Variants in EXOC2 observed in about 807,000 individuals in gnomAD.
EXOC2 encodes the protein exocyst complex component 2.
EXOC2 carries 70 observed loss-of-function variants against 131.8 expected under a neutral mutation model. That is an observed-to-expected ratio of 0.53 (90% CI 0.44 to 0.65). The LOEUF is 0.65. Among genes scored for constraint, EXOC2 ranks in the 30% least tolerant of loss-of-function variants. The probability of loss-of-function intolerance (pLI) is 0.00; values close to 1 mark genes in which losing one functional copy is unlikely to be tolerated. For synonymous variants in EXOC2, 411 were observed against 398.4 expected (o/e 1.03, Z -0.38); for missense variants, 923 against 1,108.6 (o/e 0.83, Z 2.38).
chr6:506,294 G>A lies in EXOC2; in HGVS notation c.2381-6594C>T, dbSNP rs996888012. ...AGATGTCCAGGTATATCAGGATGGA[G>A]TGAACACGTAAGTGTGCAGGGAAAC... On this transcript the variant is annotated intron_variant, in intron 23 of 27. Coordinates refer to ENST00000230449, the MANE Select transcript of EXOC2 (RefSeq NM_018303.6). The surrounding 1 kb of genome is among the most constrained non-coding windows in gnomAD (Gnocchi z 4.4). Among the ~76,000 whole-genome samples, 1 of 152,214 alleles carries A rather than the reference G, an allele frequency of 6.6e-6. No individual in the cohort carries two copies. Among genetic ancestry groups the A allele is most frequent in the Non-Finnish European group, 1.5e-5 (1 of 68,040 alleles).
intron 11 of EXOC2, among the ~76,000 whole-genome samples, chr6:590,883 G>A (rs890360673): frequency 1.3e-5 from 2 of 152,082 alleles, no homozygotes; most frequent in African/African-American, 4.8e-5. Flanking sequence ...TCAGTCTCTA[G>A]ATCCAACTAC....
intron 1 of EXOC2, among the ~76,000 whole-genome samples, chr6:647,051 T>G (rs1762607455): frequency 6.6e-6 from 1 of 152,200 alleles, no homozygotes; most frequent in Non-Finnish European, 1.5e-5. Flanking sequence ...CAAACCAATT[T>G]GTGAGAGGAA....
chr6:522,196 G>A (rs1765504231), intron 23 of EXOC2, among the ~76,000 whole-genome samples: 1 of 152,240 alleles, frequency 6.6e-6, no homozygotes, highest in Non-Finnish European at 1.5e-5. Context: ...TGTGTGGTGA[G>A]CACTGTGAGC....
chr6:689,566 G>A (rs951404394), intron 1 of EXOC2, among the ~76,000 whole-genome samples: 12 of 152,126 alleles, frequency 7.9e-5, no homozygotes, highest in Admixed American at 6.5e-4. Context: ...TAGCCCCAAC[G>A]GATCCTTCCT....
At chr6:537,257 C>T (rs547123380) in intron 22 of EXOC2, among the ~76,000 whole-genome samples, 60 of 148,476 alleles carry the variant, frequency 4.0e-4, no homozygotes, top group African/African-American at 1.1e-3. Flanking sequence ...AGGGCACACA[C>T]GAGATGACGG....
In EXOC2 at chr6:506,144, T is replaced by C. The variant is rs895509430; in HGVS notation, c.2381-6444A>G. Among the ~76,000 whole-genome samples the C allele has an allele frequency of 1.3e-5, 2 of 152,224 alleles. No individual in the cohort carries two copies. The highest frequency in any genetic ancestry group is 2.9e-5 in the Non-Finnish European group (2 of 68,034). ...TATAGTTTGAATAAAGTAAGTACAG[T>C]AGTATAGAATATTGCTGAGGCTTAA... On this transcript the variant is annotated intron_variant, in intron 23 of 27. Transcript: ENST00000230449. The surrounding 1 kb of genome is among the most constrained non-coding windows in gnomAD (Gnocchi z 4.4).
chr6:590,727 G>A (rs949698436), intron 11 of EXOC2, among the ~76,000 whole-genome samples: 3 of 151,970 alleles, frequency 2.0e-5, no homozygotes, highest in Admixed American at 6.6e-5. Flanking sequence ...CCCCTTCTTC[G>A]TTTCCTTTGA....
chr6:490,391 G>C (rs1337225869), intron 26 of EXOC2, among the ~76,000 whole-genome samples: 1 of 152,190 alleles, frequency 6.6e-6, no homozygotes, highest in Non-Finnish European at 1.5e-5. Context: ...TGGCTCAACA[G>C]TGAACATGGC....
intron 23 of EXOC2, among the ~76,000 whole-genome samples, chr6:512,281 C>T (rs1006001663): frequency 6.6e-6 from 1 of 152,236 alleles, no homozygotes; most frequent in Non-Finnish European, 1.5e-5. Flanking sequence ...TGGGTTTTCT[C>T]ATGCCTCTGC....
chr6:557,093 C>G (rs924779831), intron 17 of EXOC2, among the ~76,000 whole-genome samples: 3 of 152,078 alleles, frequency 2.0e-5, no homozygotes, highest in Admixed American at 2.0e-4. Context: ...ATATGCCCAA[C>G]CAATGGCATT....
chr6:556,179 C>T (rs1757411058), intron 18 of EXOC2, among the ~76,000 whole-genome samples, 166 bp from the exon 19 acceptor site: 1 of 152,292 alleles, frequency 6.6e-6, no homozygotes, highest in African/African-American at 2.4e-5. Flanking sequence ...GTGTTCCTTA[C>T]TGTAGTGACT....
chr6:594,598 T>C (rs1759712899), intron 10 of EXOC2, among the ~76,000 whole-genome samples: 1 of 152,250 alleles, frequency 6.6e-6, no homozygotes, highest in African/African-American at 2.4e-5. Flanking sequence ...GAGGAATCAA[T>C]AAGCTTTGCT....
chr6:541,620 A>G (rs926991880), intron 22 of EXOC2, among the ~76,000 whole-genome samples: 11 of 149,694 alleles, frequency 7.3e-5, no homozygotes, highest in African/African-American at 2.7e-4. Flanking sequence ...TAAGGACCAC[A>G]TCGCAGCTGA....
chr6:657,424 A>G (rs1010186061), intron 1 of EXOC2, among the ~76,000 whole-genome samples: 3 of 152,174 alleles, frequency 2.0e-5, no homozygotes, highest in Non-Finnish European at 2.9e-5. Flanking sequence ...TCACACTTAA[A>G]TATGTAACAG....
intron 25 of EXOC2, 48 bp downstream of exon 25, chr6:497,319 C>T: frequency 3.2e-6 from 5 of 1,572,710 alleles, no homozygotes; most frequent in Non-Finnish European, 4.4e-6. Context: ...ATTTTATATG[C>T]TTTAAATAAC....
chr6:572,778 G>A (rs947241594), intron 12 of EXOC2, 134 bp from the exon 13 acceptor site: 57 of 1,120,720 alleles, frequency 5.1e-5, no homozygotes, highest in Middle Eastern at 3.1e-4. Flanking sequence ...CTGCGTGGAC[G>A]CTCGCGGCCC....
intron 7 of EXOC2, among the ~76,000 whole-genome samples, chr6:602,622 A>G (rs1200171713): frequency 6.6e-6 from 1 of 152,214 alleles, no homozygotes; most frequent in Non-Finnish European, 1.5e-5. Flanking sequence ...CTGTAGGACA[A>G]ACCCTGATCT....
intron 25 of EXOC2, among the ~76,000 whole-genome samples, chr6:492,110 G>A (rs567295451): frequency 1.4e-4 from 22 of 152,154 alleles, no homozygotes; most frequent in African/African-American, 2.7e-4. Flanking sequence ...AAATCATGCC[G>A]AAAGTATAAA....
intron 26 of EXOC2, among the ~76,000 whole-genome samples, chr6:489,742 G>T (rs1763311679): frequency 6.6e-6 from 1 of 152,208 alleles, no homozygotes; most frequent in Non-Finnish European, 1.5e-5. Context: ...CTTATGATTG[G>T]TTAAGGTGAA....
Sources: gnomAD v4.1 joint callset for allele counts (sites outside exome capture counted in the v4.1 genomes callset) on GRCh38, gnomAD v4.1.1 for gene constraint, Gnocchi (gnomAD v3.1) non-coding constraint, MANE v1.5 for transcripts, NCBI Gene and HGNC (gene_info 2026-07-23, HGNC 2026-07-21) for gene names.